Variants in MIPOL1 observed in about 807,000 individuals in gnomAD.
MIPOL1 encodes the protein mirror-image polydactyly 1.
In MIPOL1, 57 loss-of-function variants were observed where a neutral mutation model predicts 60.9. The ratio of observed to expected loss-of-function variants is 0.94; its 90% CI spans 0.76 to 1.17. The LOEUF (loss-of-function observed/expected upper bound fraction) is 1.17, where lower values mean the gene tolerates loss of function less well. Among genes scored for constraint, MIPOL1 ranks in the 50% most tolerant of loss-of-function variants. MIPOL1 has a pLI of 0.00. For missense variants in MIPOL1, 551 were observed against 511.6 expected (o/e 1.08, Z -0.74); for synonymous variants, 179 against 168.8 (o/e 1.06, Z -0.47).
At chr14:37,538,609 A>T (rs947782667) in intron 12 of MIPOL1, among the ~76,000 whole-genome samples, 8 of 152,082 alleles carry the variant, frequency 5.3e-5, no homozygotes, top group Non-Finnish European at 1.0e-4. Context: ...ATGGCCACAA[A>T]TTTTTTTCAG....
chr14:37,483,000 C>A (rs1413376767), intron 11 of MIPOL1, among the ~76,000 whole-genome samples: 3 of 151,954 alleles, frequency 2.0e-5, no homozygotes, highest in African/African-American at 7.3e-5. Flanking sequence ...TACCTTAAAT[C>A]ATCTCTAGCT....
chr14:37,437,238 A>G (rs1220440829), intron 11 of MIPOL1, among the ~76,000 whole-genome samples: 1 of 152,132 alleles, frequency 6.6e-6, no homozygotes, highest in Non-Finnish European at 1.5e-5. Context: ...CAACTGAACA[A>G]TATTCAGTTA....
chr14:37,326,237 A>G (rs1402437896), intron 9 of MIPOL1, among the ~76,000 whole-genome samples: 1 of 152,208 alleles, frequency 6.6e-6, no homozygotes, highest in Admixed American at 6.5e-5. Flanking sequence ...CCATTTTGCT[A>G]TTCTGTCAAG....
intron 10 of MIPOL1, among the ~76,000 whole-genome samples, chr14:37,379,558 C>A (rs141412914): frequency 1.4e-3 from 213 of 152,106 alleles, no homozygotes; most frequent in African/African-American, 4.7e-3. Context: ...ATTTACAAAT[C>A]ATATATCTGG....
intron 6 of MIPOL1, chr14:37,277,788 A>G (rs2153400666): frequency 6.6e-6 from 1 of 151,564 alleles, no homozygotes; most frequent in Middle Eastern, 3.4e-3. Flanking sequence ...TTAGGTGTGT[A>G]TATACATAAA....
At chr14:37,440,801 ATAG>A (rs2094231279) in intron 11 of MIPOL1, among the ~76,000 whole-genome samples, 1 of 152,134 alleles carries the variant, frequency 6.6e-6, no homozygotes, top group Non-Finnish European at 1.5e-5. Context: ...GCTGGATCAA[ATAG>A]TAGTTCTGTC....
intron 1 of MIPOL1, among the ~76,000 whole-genome samples, chr14:37,200,870 GT>G (rs1965164728): frequency 9.9e-6 from 1 of 101,392 alleles, no homozygotes; most frequent in Admixed American, 1.0e-4. Flanking sequence ...GTGTGTGTGT[GT>G]GTGTGTGTGT....
intron 11 of MIPOL1, among the ~76,000 whole-genome samples, chr14:37,461,891 G>C (rs2094543192): frequency 6.6e-6 from 1 of 152,136 alleles, no homozygotes; most frequent in Non-Finnish European, 1.5e-5. Flanking sequence ...CTGCCTTCAT[G>C]GGCTGGTGTT....
intron 11 of MIPOL1, among the ~76,000 whole-genome samples, chr14:37,478,344 G>C (rs912018246): frequency 1.3e-5 from 2 of 152,146 alleles, no homozygotes; most frequent in African/African-American, 4.8e-5. Flanking sequence ...TCAACAGGCT[G>C]GTTGCAGAAA....
At chr14:37,493,713 G>A (rs1333950276) in intron 11 of MIPOL1, among the ~76,000 whole-genome samples, 2 of 152,084 alleles carry the variant, frequency 1.3e-5, no homozygotes, top group Non-Finnish European at 2.9e-5. Flanking sequence ...CTGGAAGAGC[G>A]AATTTAAACT....
At chr14:37,538,096 A>G (rs2095514333) in intron 12 of MIPOL1, among the ~76,000 whole-genome samples, 1 of 152,208 alleles carries the variant, frequency 6.6e-6, no homozygotes, top group South Asian at 2.1e-4. Context: ...TGATCTACTC[A>G]CTAAGGACTT....
chr14:37,257,630 T>C (rs1464960865), intron 3 of MIPOL1, among the ~76,000 whole-genome samples: 2 of 152,128 alleles, frequency 1.3e-5, no homozygotes, highest in African/African-American at 4.8e-5. Context: ...CCACAGGAAA[T>C]GGTCCATCTA....
chr14:37,329,036 T>C (rs918083443), intron 9 of MIPOL1, among the ~76,000 whole-genome samples: 2 of 152,092 alleles, frequency 1.3e-5, no homozygotes, highest in African/African-American at 4.8e-5. Flanking sequence ...AGCTAAGTCA[T>C]AGGAAAATTA....
chr14:37,308,894 G>A (rs2087027851), intron 9 of MIPOL1, among the ~76,000 whole-genome samples: 1 of 151,916 alleles, frequency 6.6e-6, no homozygotes, highest in African/African-American at 2.4e-5. Flanking sequence ...TATTCCCAGT[G>A]CCTAATTCAG....
At chr14:37,423,780 TAAATC>T (rs1323762637) in intron 11 of MIPOL1, 1 of 152,280 alleles carries the variant, frequency 6.6e-6, no homozygotes, top group South Asian at 2.1e-4. Flanking sequence ...AAAATGCAAT[TAAATC>T]AAAATAAGTT....
chr14:37,256,103 A>G (rs1397959187), intron 3 of MIPOL1, among the ~76,000 whole-genome samples: 1 of 151,950 alleles, frequency 6.6e-6, no homozygotes. Context: ...AACAATGTTC[A>G]TTGATGTGAA....
intron 9 of MIPOL1, among the ~76,000 whole-genome samples, chr14:37,312,931 T>C (rs1179657658): frequency 6.6e-6 from 1 of 152,170 alleles, no homozygotes; most frequent in Non-Finnish European, 1.5e-5. Context: ...TATTATTCTA[T>C]ACAAACAAAA....
At chr14:37,337,780 A>G (rs2090281797) in intron 9 of MIPOL1, among the ~76,000 whole-genome samples, 1 of 152,022 alleles carries the variant, frequency 6.6e-6, no homozygotes, top group Non-Finnish European at 1.5e-5. Context: ...TCTTGATACA[A>G]GTTGTTTTAA....
intron 12 of MIPOL1, among the ~76,000 whole-genome samples, chr14:37,526,369 C>CTTTT (rs1191140443): frequency 7.8e-6 from 1 of 128,206 alleles, no homozygotes. Context: ...TACTTCTTTT[C>CTTTT]TTTTTTTTTT....
Sources: gnomAD v4.1 joint callset for allele counts (sites outside exome capture counted in the v4.1 genomes callset) on GRCh38, gnomAD v4.1.1 for gene constraint, MANE v1.5 for transcripts, NCBI Gene and HGNC (gene_info 2026-07-23, HGNC 2026-07-21) for gene names.